Variants in PSPC1 observed in about 807,000 individuals in gnomAD.
The protein encoded by PSPC1 is paraspeckle component 1.
PSPC1 carries 14 observed loss-of-function variants against 51.6 expected under a neutral mutation model. The observed-to-expected ratio is 0.27, with a 90% CI of 0.18 to 0.42. The LOEUF (loss-of-function observed/expected upper bound fraction) is 0.42. PSPC1 is among the 10% of genes least tolerant of loss of function. The probability of loss-of-function intolerance (pLI) is 1.00; values close to 1 mark genes in which losing one functional copy is unlikely to be tolerated. For missense variants in PSPC1, 406 were observed against 701.1 expected, an observed-to-expected ratio of 0.58 and a Z score of 4.75; for synonymous variants, 193 against 231.9, an observed-to-expected ratio of 0.83 and a Z score of 1.53.
At chr13:19,684,101 G>A (rs1877585277) in intron 6 of PSPC1, among the ~76,000 whole-genome samples, 1 of 152,164 alleles carries the variant, frequency 6.6e-6, no homozygotes, top group Non-Finnish European at 1.5e-5. Context: ...GCGCTCGTTA[G>A]GAAGTGAGAC....
intron 6 of PSPC1, among the ~76,000 whole-genome samples, chr13:19,695,447 A>C (rs1182372448): frequency 1.3e-5 from 2 of 152,244 alleles, no homozygotes; most frequent in Non-Finnish European, 2.9e-5. Flanking sequence ...TTTTTAAAAA[A>C]ATTTAATGGC....
chr13:19,677,357 C>T (rs979901925), intron 7 of PSPC1, among the ~76,000 whole-genome samples: 3 of 152,044 alleles, frequency 2.0e-5, no homozygotes, highest in Non-Finnish European at 4.4e-5. Flanking sequence ...TCTCTCTCCT[C>T]ACTCCAAGAC....
At chr13:19,769,987 T>A (rs1416528115) in intron 2 of PSPC1, among the ~76,000 whole-genome samples, 1 of 152,206 alleles carries the variant, frequency 6.6e-6, no homozygotes, top group East Asian at 1.9e-4. Flanking sequence ...ATACTCATAG[T>A]AGCTTTATTC....
rs192348400 is a variant in PSPC1 at position 19,703,760 on chromosome 13, G to T, written c.1387-400C>A. ...AAAAAATCAGAGAAATAAAACTGGG[G>T]AGCAGCATCAATTCGGTTTTTTAAA... is the stretch of plus-strand genomic sequence containing the variant. On this transcript the variant is annotated intron_variant, in intron 8 of 8. Transcript: ENST00000338910. 4.6e-3 allele frequency among the ~76,000 whole-genome samples: 693 copies of T among 151,936 alleles called. 5 individuals are homozygous for T. Among genetic ancestry groups the T allele is most frequent in the South Asian group, 0.027 (128 of 4,816 alleles).
At chr13:19,723,206 T>A (rs4126709) in intron 6 of PSPC1, among the ~76,000 whole-genome samples, 100,332 of 152,120 alleles carry the variant, frequency 0.66, 36,855 homozygotes, top group East Asian at 0.89. Flanking sequence ...TGAACAGATA[T>A]TCTCCAAAAG....
At chr13:19,693,184 C>A (rs1300865736) in intron 6 of PSPC1, among the ~76,000 whole-genome samples, 1 of 152,168 alleles carries the variant, frequency 6.6e-6, no homozygotes, top group Admixed American at 6.5e-5. Flanking sequence ...GCTCCTTACC[C>A]TCTCGTGCAA....
chr13:19,671,758 C>T (rs1876140801), downstream of PSPC1: 3 of 1,360,272 alleles, frequency 2.2e-6, no homozygotes, highest in Non-Finnish European at 3.1e-6. Context: ...CAAATCTTGG[C>T]CATTTGTGGG....
intron 2 of PSPC1, among the ~76,000 whole-genome samples, chr13:19,765,119 C>T (rs1887940044): frequency 6.6e-6 from 1 of 151,648 alleles, no homozygotes; most frequent in South Asian, 2.1e-4. Context: ...AAATAATTAT[C>T]AGGATGCAGC....
chr13:19,780,429 A>T (rs1212293203), intron 1 of PSPC1, among the ~76,000 whole-genome samples: 3 of 66,736 alleles, frequency 4.5e-5, no homozygotes, highest in Admixed American at 1.9e-4. Context: ...GTGTAGAAAG[A>T]AGTAGACATG....
At chr13:19,749,240 T>C (rs1342657770) in intron 4 of PSPC1, among the ~76,000 whole-genome samples, 1 of 151,952 alleles carries the variant, frequency 6.6e-6, no homozygotes, top group East Asian at 1.9e-4. Flanking sequence ...CCCAGCCACT[T>C]AGGAGGCGGA....
At chr13:19,710,363 TGA>T (rs1318373642) in intron 6 of PSPC1, among the ~76,000 whole-genome samples, 1 of 152,226 alleles carries the variant, frequency 6.6e-6, no homozygotes. Context: ...TTAACTTCAA[TGA>T]AATCTCTAAG....
intron 6 of PSPC1, among the ~76,000 whole-genome samples, chr13:19,682,937 ACATGCCTGTATT>A (rs1877442915): frequency 6.6e-6 from 1 of 151,942 alleles, no homozygotes; most frequent in Non-Finnish European, 1.5e-5. Context: ...ATGCAGTGGC[ACATGCCTGTATT>A]CCCAGCTACT....
At chr13:19,673,406 T>G (rs1876268930), downstream of PSPC1, 1 of 237,836 alleles carries the variant, frequency 4.2e-6, no homozygotes, top group Non-Finnish European at 8.4e-6. Context: ...AAAACTGCCT[T>G]TTCCTATGGT....
chr13:19,690,510 C>T (rs1878424106), intron 6 of PSPC1, among the ~76,000 whole-genome samples: 1 of 152,084 alleles, frequency 6.6e-6, no homozygotes, highest in Admixed American at 6.6e-5. Flanking sequence ...AAACCAGTAG[C>T]CTTCATTTAA....
At chr13:19,671,384 G>C, downstream of PSPC1, 5 of 1,129,234 alleles carry the variant, frequency 4.4e-6, no homozygotes, top group Non-Finnish European at 6.6e-6. Flanking sequence ...GAATCCTGGT[G>C]TACCTGTCCT....
intron 6 of PSPC1, among the ~76,000 whole-genome samples, chr13:19,691,219 T>C (rs544363517): frequency 1.3e-5 from 2 of 152,180 alleles, no homozygotes; most frequent in South Asian, 2.1e-4. Context: ...TTGATAAAGA[T>C]GGGGAAAAAA....
intron 7 of PSPC1, among the ~76,000 whole-genome samples, chr13:19,676,828 C>T (rs1876689537): frequency 6.6e-6 from 1 of 152,142 alleles, no homozygotes; most frequent in Non-Finnish European, 1.5e-5. Context: ...ATAAAGACTG[C>T]ATTAATGTTT....
chr13:19,685,224 C>A (rs1401036879), intron 6 of PSPC1, among the ~76,000 whole-genome samples: 3 of 152,208 alleles, frequency 2.0e-5, no homozygotes, highest in African/African-American at 7.2e-5. Flanking sequence ...CCCAGCCCAA[C>A]CTTTGGCCCT....
intron 4 of PSPC1, among the ~76,000 whole-genome samples, chr13:19,749,595 A>G (rs1346926251): frequency 6.6e-6 from 1 of 151,602 alleles, no homozygotes; most frequent in African/African-American, 2.4e-5. Context: ...TTTATCTCAA[A>G]TAACAACTTG....
Sources: allele counts gnomAD v4.1 joint callset (sites outside exome capture counted in the v4.1 genomes callset), GRCh38; gene constraint gnomAD v4.1.1; transcripts MANE v1.5; gene names NCBI Gene and HGNC (gene_info 2026-07-23, HGNC 2026-07-21).